PAX7: variants seen among roughly 807,000 people sequenced by gnomAD.
PAX7 encodes paired box 7, also known as paired box protein Pax-7.
PAX7 carries 18 observed loss-of-function variants against 50.7 expected under a neutral mutation model. The observed-to-expected ratio is 0.36, with a 90% CI of 0.25 to 0.53. PAX7 has a LOEUF of 0.53. Among genes scored for constraint, PAX7 ranks in the 20% least tolerant of loss-of-function variants. PAX7 has a pLI of 0.93. For missense variants in PAX7, 644 were observed against 702.9 expected, an observed-to-expected ratio of 0.92 and a Z score of 0.95; for synonymous variants, 310 against 290.4, an observed-to-expected ratio of 1.07 and a Z score of -0.69.
intron 5 of PAX7, among the ~76,000 whole-genome samples, chr1:18,698,132 A>G (rs1570187191): frequency 1.3e-5 from 2 of 152,040 alleles, no homozygotes; most frequent in South Asian, 2.1e-4. Context: ...GCATATCCCA[A>G]ATGCCCATCG....
intron 4 of PAX7, among the ~76,000 whole-genome samples, chr1:18,676,426 G>A (rs2088822592): frequency 7.1e-6 from 1 of 140,552 alleles, no homozygotes; most frequent in Non-Finnish European, 1.5e-5. Context: ...GCGGGAGAAT[G>A]CACCATGAAA....
intron 7 of PAX7, among the ~76,000 whole-genome samples, chr1:18,716,640 T>G (rs1285259275): frequency 6.6e-6 from 1 of 150,898 alleles, no homozygotes; most frequent in Non-Finnish European, 1.5e-5. Context: ...GATCGCGTCA[T>G]AACCCTGAGA....
chr1:18,689,910 G>T (rs1338154333), intron 4 of PAX7, among the ~76,000 whole-genome samples: 1 of 152,238 alleles, frequency 6.6e-6, no homozygotes, highest in Non-Finnish European at 1.5e-5. Flanking sequence ...TGGGGGAGGG[G>T]CCTAGGCCTA....
intron 4 of PAX7, among the ~76,000 whole-genome samples, chr1:18,642,815 TA>T (rs2088276717): frequency 6.6e-6 from 1 of 151,454 alleles, no homozygotes; most frequent in South Asian, 2.1e-4. Flanking sequence ...ACTTCGCCAT[TA>T]GTAGATAGAT....
intron 4 of PAX7, among the ~76,000 whole-genome samples, chr1:18,678,116 G>A (rs556808585): frequency 1.4e-5 from 2 of 144,720 alleles, no homozygotes; most frequent in Admixed American, 7.0e-5. Context: ...AAGAAAGAAA[G>A]AAAAGAAGCA....
chr1:18,714,283 C>G (rs1401474120), intron 7 of PAX7, among the ~76,000 whole-genome samples: 2 of 152,136 alleles, frequency 1.3e-5, no homozygotes, highest in African/African-American at 4.8e-5. Context: ...GCTGTGTGAT[C>G]ACAGGCAAGT....
chr1:18,675,477 T>C (rs2088810805), intron 4 of PAX7, among the ~76,000 whole-genome samples: 1 of 152,140 alleles, frequency 6.6e-6, no homozygotes, highest in African/African-American at 2.4e-5. Context: ...TGACATAGCA[T>C]GTCAGGGCAT....
chr1:18,711,758 CCT>C (rs560143736), intron 7 of PAX7, among the ~76,000 whole-genome samples: 204 of 152,184 alleles, frequency 1.3e-3, no homozygotes, highest in African/African-American at 4.7e-3. Context: ...TCCCCACACC[CCT>C]GTTTCTCTTT....
intron 4 of PAX7, among the ~76,000 whole-genome samples, chr1:18,652,761 G>A (rs902854090): frequency 6.6e-6 from 1 of 152,198 alleles, no homozygotes; most frequent in Admixed American, 6.5e-5. Context: ...GGCATACAGA[G>A]AGGTGCCTCA....
intron 4 of PAX7, among the ~76,000 whole-genome samples, chr1:18,661,158 C>T (rs1049241455): frequency 1.3e-5 from 2 of 152,114 alleles, no homozygotes; most frequent in African/African-American, 4.8e-5. Flanking sequence ...AACAGAACAA[C>T]GTGGGTCCAT....
At chr1:18,694,931 C>G (rs1293544086) in intron 5 of PAX7, among the ~76,000 whole-genome samples, 1 of 152,148 alleles carries the variant, frequency 6.6e-6, no homozygotes, top group Non-Finnish European at 1.5e-5. Flanking sequence ...TCAAAGCCCC[C>G]TGAGTACTGC....
At position 18,631,407 on chromosome 1, in the gene PAX7, C is replaced by A. The variant is rs971038878; in HGVS notation, c.-197C>A. The A allele has an allele frequency of 3.4e-6, 2 of 590,864 alleles. No individual in the cohort carries two copies. The highest frequency in any genetic ancestry group is 6.1e-6 in the Non-Finnish European group (2 of 328,200). 36.6% of individuals were successfully genotyped at this position (590,864 alleles called of 1,614,324 possible). On this transcript the variant is annotated 5_prime_UTR_variant, in exon 1 of 9. Transcript: ENST00000420770. ...CCCAACCTCCACCCCACCTCACCCC[C>A]CTCCCCAGCTTCTGGACGCGTTTGA...
Position 18,632,407 on chromosome 1 carries a change from G to C in PAX7, c.85+719G>C, listed in dbSNP as rs2088069250. Among the ~76,000 whole-genome samples, 1 of 152,186 alleles carries C rather than the reference G, an allele frequency of 6.6e-6. No homozygotes were observed. The highest frequency in any genetic ancestry group is 2.1e-4 in the South Asian group (1 of 4,836). ...GAAGAAAGAGCTGATTTTGTAAAGCGTCCTTCCTAAACATCCAGCGCCCGC... is the reference window on the plus strand; with the variant it reads ...GAAGAAAGAGCTGATTTTGTAAAGCCTCCTTCCTAAACATCCAGCGCCCGC... On this transcript the variant is annotated intron_variant, in intron 1 of 8. Transcript: ENST00000420770. The surrounding 1 kb of genome is among the most constrained non-coding windows in gnomAD (Gnocchi z 6.3).
chr1:18,737,920 A>G (rs973521184), intron 8 of PAX7, among the ~76,000 whole-genome samples: 1 of 152,242 alleles, frequency 6.6e-6, no homozygotes, highest in African/African-American at 2.4e-5. Context: ...ATGTGACTGT[A>G]TGTACATGTG....
At chr1:18,655,453 T>C (rs2088499348) in intron 4 of PAX7, among the ~76,000 whole-genome samples, 1 of 152,162 alleles carries the variant, frequency 6.6e-6, no homozygotes, top group Non-Finnish European at 1.5e-5. Flanking sequence ...GGGAGGGGGC[T>C]GCAGGATGAA....
chr1:18,635,062 C>T (rs746707682), intron 2 of PAX7, 49 bp from the exon 3 acceptor site: 4 of 1,601,512 alleles, frequency 2.5e-6, no homozygotes, highest in East Asian at 2.2e-5. Context: ...GTATTTTCCT[C>T]CCCCCATCCC....
At chr1:18,653,228 TC>T (rs2088461566) in intron 4 of PAX7, among the ~76,000 whole-genome samples, 1 of 152,102 alleles carries the variant, frequency 6.6e-6, no homozygotes, top group South Asian at 2.1e-4. Flanking sequence ...CGAATGGGCT[TC>T]CTGGCCCGCA....
Position 18,634,991 on chromosome 1 carries a change from G to A in PAX7, c.322-120G>A, listed in dbSNP as rs768978188. 182 of 1,251,156 alleles carry A rather than the reference G, an allele frequency of 1.5e-4. 1 individual carries two copies. The highest frequency in any genetic ancestry group is 1.1e-3 in the Middle Eastern group (4 of 3,608). The allele number at this position is 1,251,156 out of a possible 1,614,324, so 77.5% of individuals were successfully genotyped here. On this transcript the variant is annotated intron_variant, in intron 2 of 8. Transcript: ENST00000420770. The surrounding 1 kb of genome is among the most constrained non-coding windows in gnomAD (Gnocchi z 4.0). ...TAAAGCCAATCTCTTGGGGGATGGG[G>A]GGACACAAGGTAACCAGAACCACCA...
chr1:18,702,736 G>A (rs116494053), intron 6 of PAX7, among the ~76,000 whole-genome samples: 47 of 152,266 alleles, frequency 3.1e-4, no homozygotes, highest in African/African-American at 1.1e-3. Flanking sequence ...GCAAGTGGTT[G>A]ACGCTCACAA....
Sources: allele counts gnomAD v4.1 joint callset (sites outside exome capture counted in the v4.1 genomes callset), GRCh38; gene constraint gnomAD v4.1.1; non-coding constraint Gnocchi (gnomAD v3.1); transcripts MANE v1.5; gene names NCBI Gene and HGNC (gene_info 2026-07-23, HGNC 2026-07-21).